The following HNF4G variants were observed in gnomAD, a reference collection of about 807,000 sequenced individuals.
HNF4G encodes hepatocyte nuclear factor 4-gamma.
HNF4G carries 21 observed loss-of-function variants against 50.9 expected under a neutral mutation model. The ratio of observed to expected loss-of-function variants is 0.41; its 90% CI spans 0.29 to 0.59. The LOEUF (loss-of-function observed/expected upper bound fraction) is 0.59. Ranked by LOEUF, HNF4G falls within the 20% of genes least tolerant of loss-of-function variation. HNF4G has a pLI of 0.26. For synonymous variants in HNF4G, 198 were observed against 185.6 expected, an observed-to-expected ratio of 1.07 and a Z score of -0.54; for missense variants, 527 against 559.4, an observed-to-expected ratio of 0.94 and a Z score of 0.58.
intron 5 of HNF4G, among the ~76,000 whole-genome samples, chr8:75,555,685 A>G (rs1018509338): frequency 1.5e-4 from 22 of 149,656 alleles, no homozygotes. Flanking sequence ...TGGGATTTGA[A>G]CTCTGGTCTG....
At chr8:75,493,016 A>AATATAT (rs143195684) in intron 2 of HNF4G, among the ~76,000 whole-genome samples, 2 of 148,174 alleles carry the variant, frequency 1.3e-5, no homozygotes, top group Non-Finnish European at 3.0e-5. Flanking sequence ...ATATGACTGA[A>AATATAT]ATATATATAT....
At chr8:75,413,461 G>A (rs867108115) in intron 1 of HNF4G, among the ~76,000 whole-genome samples, 293 of 151,802 alleles carry the variant, frequency 1.9e-3, no homozygotes, top group African/African-American at 6.5e-3. Context: ...TATAGAATAT[G>A]TAAGATGAAG....
Position 75,558,564 on chromosome 8 carries a change from C to T in HNF4G, c.780C>T (p.Ser260=), listed in dbSNP as rs1170920687. The T allele has an allele frequency of 6.2e-7, 1 of 1,613,822 alleles. No individual in the cohort carries two copies. Among genetic ancestry groups the T allele is most frequent in the Non-Finnish European group, 8.5e-7 (1 of 1,179,790 alleles). ...GCAACAGCTGTGAAGTTGAGATTAGCCGTGTGGCCAATCGTGTTCTAGATG... is the reference window on the plus strand; with the variant it reads ...GCAACAGCTGTGAAGTTGAGATTAGTCGTGTGGCCAATCGTGTTCTAGATG... ...IHRNSCEVEI[S]RVANRVLDEL... The change falls in exon 7 of 10, where the codon AGC becomes AGT. Residue 260 remains serine (S), a synonymous_variant. Coordinates refer to ENST00000396423, the MANE Select transcript of HNF4G (RefSeq NM_004133.5).
At chr8:75,461,927 TA>T (rs200760641) in intron 1 of HNF4G, among the ~76,000 whole-genome samples, 102,118 of 144,478 alleles carry the variant, frequency 0.71, 36,267 homozygotes, top group African/African-American at 0.8. Context: ...TATATATATA[TA>T]TTTTTTTAGA....
At chr8:75,507,560 ATT>A (rs1457081770) in intron 2 of HNF4G, among the ~76,000 whole-genome samples, 7 of 152,188 alleles carry the variant, frequency 4.6e-5, no homozygotes, top group African/African-American at 1.4e-4. Flanking sequence ...TGCCCGGCTG[ATT>A]TTTAAAATTC....
At chr8:75,551,247 G>A in intron 3 of HNF4G, 141 bp from the exon 4 acceptor site, 1 of 559,660 alleles carries the variant, frequency 1.8e-6, no homozygotes, top group Non-Finnish European at 3.2e-6. Flanking sequence ...AAGTAGTGGA[G>A]AATGAAAATA....
In HNF4G at chr8:75,479,799, T is replaced by C. The variant is rs73690908; in HGVS notation, c.-143-10290T>C. Among the ~76,000 whole-genome samples the C allele has an allele frequency of 4.9e-3, 745 of 152,272 alleles. 4 individuals are homozygous for C. Among genetic ancestry groups the C allele is most frequent in the African/African-American group, 0.017 (706 of 41,566 alleles). On this transcript the variant is annotated intron_variant, in intron 1 of 10. Coordinates refer to the HNF4G transcript ENST00000354370. Reference sequence around the variant, plus strand: ...GAACATTTCTTTATCTTCTGTAGTATTGATAAATAACATATTTCCAGAAGA... The same window carrying C: ...GAACATTTCTTTATCTTCTGTAGTACTGATAAATAACATATTTCCAGAAGA...
At chr8:75,416,509 T>C (rs1041792389) in intron 1 of HNF4G, among the ~76,000 whole-genome samples, 1 of 152,192 alleles carries the variant, frequency 6.6e-6, no homozygotes, top group Admixed American at 6.5e-5. Context: ...CGAGAGAAAC[T>C]GAAGTCTACT....
At chr8:75,503,656 C>A (rs947210952) in intron 2 of HNF4G, among the ~76,000 whole-genome samples, 13 of 152,176 alleles carry the variant, frequency 8.5e-5, no homozygotes, top group African/African-American at 3.1e-4. Flanking sequence ...CCTATAAATA[C>A]CCTTACTCTC....
chr8:75,530,172 A>C (rs1437512848), intron 2 of HNF4G, among the ~76,000 whole-genome samples: 1 of 152,158 alleles, frequency 6.6e-6, no homozygotes, highest in East Asian at 1.9e-4. Context: ...CTGGTGTTCT[A>C]GGCCTCCGGG....
At chr8:75,453,563 A>C (rs1260345892) in intron 1 of HNF4G, among the ~76,000 whole-genome samples, 1 of 143,330 alleles carries the variant, frequency 7.0e-6, no homozygotes, top group Admixed American at 7.5e-5. Context: ...ATGCTGTGGA[A>C]GCTTTGTTAT....
intron 2 of HNF4G, among the ~76,000 whole-genome samples, chr8:75,533,674 C>T (rs1229516071): frequency 6.6e-6 from 1 of 151,856 alleles, no homozygotes; most frequent in South Asian, 2.1e-4. Context: ...TCTAAAAATA[C>T]ATTTATCAAA....
Position 75,540,065 on chromosome 8 carries a change from C to A in HNF4G, c.103C>A (p.Leu35Ile), listed in dbSNP as rs777456078. ...TTLEFETMQI[L>I]YNSSDSSAPE... is the part of the protein sequence containing the mutation. The stretch of plus-strand genomic sequence containing the variant: ...TTTGGAGTTTGAAACTATGCAGATT[C>A]TATATAATTCAAGTGGTGAGTTATC... The change falls in exon 1 of 10, where the codon CTA (leucine) becomes ATA (isoleucine). Residue 35 changes from leucine to isoleucine, a missense_variant. Physicochemically the swap from Leu to Ile is conservative, Grantham distance 5. Around this residue, in one of 5 missense-constraint regions of HNF4G, gnomAD observed 84 missense variants for 87.1 expected, o/e 0.96. Transcript: ENST00000396423. The A allele has an allele frequency of 1.9e-6, 3 of 1,570,948 alleles. No homozygotes were observed. Among genetic ancestry groups the A allele is most frequent in the South Asian group, 2.2e-5 (2 of 90,280 alleles).
At chr8:75,448,217 G>T (rs1025618370) in intron 1 of HNF4G, among the ~76,000 whole-genome samples, 1 of 139,020 alleles carries the variant, frequency 7.2e-6, no homozygotes, top group South Asian at 2.4e-4. Context: ...CTCACTCATA[G>T]GTGGGAATTG....
In HNF4G at chr8:75,523,107, C is replaced by T. The variant is rs1054025370; in HGVS notation, c.-23-20704C>T. Among the ~76,000 whole-genome samples, 8 of 152,002 alleles carry T rather than the reference C, an allele frequency of 5.3e-5. No individual in the cohort carries two copies. The East Asian group carries it at 7.8e-4, about 15-fold the overall frequency. ...GAGCTTGGTGGCGGGCACCTGTAAT[C>T]GCAGCTACTTGGGAGGCTGAGGCAG... On this transcript the variant is annotated intron_variant, in intron 2 of 10. Coordinates refer to the HNF4G transcript ENST00000354370.
chr8:75,495,693 A>T (rs1040034551), intron 2 of HNF4G, among the ~76,000 whole-genome samples: 16 of 151,972 alleles, frequency 1.1e-4, no homozygotes, highest in Non-Finnish European at 1.5e-4. Context: ...CCGTCCCACC[A>T]GGCCTGGCTA....
rs1252715369 is a variant in HNF4G, at chr8:75,507,771, A to G, written c.-24+17563A>G. ...AATTCATCAAAATTTAACTAGTTAC[A>G]TGTTTTTAAAGTACATGGTGTTTCA... On this transcript the variant is annotated intron_variant, in intron 2 of 10. Transcript: ENST00000354370. Among the ~76,000 whole-genome samples the G allele has an allele frequency of 3.3e-5, 5 of 152,298 alleles. No homozygotes were observed. In the Middle Eastern group the frequency reaches 0.01, roughly 315 times the overall value.
rs372495738 is a variant in HNF4G at position 75,418,830 on chromosome 8, C to T, written c.-144+10668C>T. ...GCAACCTCCGCCTCCCGGGTTCAAG[C>T]GATTTTCCTGCCTCAGCCTCCCGAG... On this transcript the variant is annotated intron_variant, in intron 1 of 10. Transcript: ENST00000354370. Among the ~76,000 whole-genome samples the T allele has an allele frequency of 1.5e-3, 223 of 149,746 alleles. 1 individual carries two copies. Among genetic ancestry groups the T allele is most frequent in the African/African-American group, 5.2e-3 (210 of 40,540 alleles).
At chr8:75,444,416 T>A (rs1811370521) in intron 1 of HNF4G, among the ~76,000 whole-genome samples, 1 of 148,072 alleles carries the variant, frequency 6.8e-6, no homozygotes, top group Non-Finnish European at 1.5e-5. Flanking sequence ...AGGATCAAAT[T>A]CACACATAAC....
Sources: gnomAD v4.1 joint callset for allele counts (sites outside exome capture counted in the v4.1 genomes callset) on GRCh38, gnomAD v4.1.1 for gene constraint, gnomAD v4.1.1 regional missense constraint, MANE v1.5 for transcripts, NCBI Gene and HGNC (gene_info 2026-07-23, HGNC 2026-07-21) for gene names.